Variants in CLVS2 observed in about 807,000 individuals in gnomAD.
CLVS2 encodes the protein clavesin 2.
A neutral mutation model predicts 29.0 loss-of-function variants in CLVS2; 19 were observed. The ratio of observed to expected loss-of-function variants is 0.66; its 90% confidence interval spans 0.46 to 0.96. The LOEUF is 0.96. Among genes scored for constraint, CLVS2 ranks in the 40% least tolerant of loss-of-function variants. The probability of loss-of-function intolerance (pLI) is 0.00; values close to 1 mark genes in which losing one functional copy is unlikely to be tolerated. For synonymous variants in CLVS2, 161 were observed against 151.3 expected, an observed-to-expected ratio of 1.06 and a Z score of -0.47; for missense variants, 294 against 404.1, an observed-to-expected ratio of 0.73 and a Z score of 2.34.
chr6:123,056,984 C>A (rs527772498), intron 5 of CLVS2, among the ~76,000 whole-genome samples: 102 of 152,288 alleles, frequency 6.7e-4, no homozygotes, highest in African/African-American at 2.1e-3. Context: ...TTTTATCTTT[C>A]AATCAATAGT....
At chr6:123,014,111 G>A (rs1193186574) in intron 3 of CLVS2, among the ~76,000 whole-genome samples, 5 of 151,992 alleles carry the variant, frequency 3.3e-5, no homozygotes, top group Admixed American at 6.6e-5. Context: ...GAATATTGCC[G>A]CTATAAACAT....
At chr6:123,016,671 A>G (rs1774839328) in intron 3 of CLVS2, among the ~76,000 whole-genome samples, 2 of 152,060 alleles carry the variant, frequency 1.3e-5, no homozygotes, top group Non-Finnish European at 1.5e-5. Context: ...ATTGCTACAT[A>G]AGACTCAGAT....
chr6:123,001,752 C>T lies in CLVS2; in HGVS notation c.389+3586C>T, dbSNP rs574137189. Reference sequence around the variant, plus strand: ...ATCAACAGGTGTGAGGATAATGTGCCGTAAAGCTAGCAGAGGTTAACACTG... The same window carrying T: ...ATCAACAGGTGTGAGGATAATGTGCTGTAAAGCTAGCAGAGGTTAACACTG... On this transcript the variant is annotated intron_variant, in intron 2 of 5. Coordinates refer to ENST00000275162, the MANE Select transcript of CLVS2 (RefSeq NM_001010852.4). 4.6e-5 allele frequency among the ~76,000 whole-genome samples: 7 copies of T among 152,124 alleles called. No individual in the cohort carries two copies. The South Asian group carries it at 8.3e-4, about 18-fold the overall frequency.
At position 122,996,328 on chromosome 6, in the gene CLVS2, C is replaced by G. The variant is rs1165993645; in HGVS notation, c.-978C>G. 6.6e-6 allele frequency: 1 copy of G among 152,568 alleles called. No homozygotes were observed. The highest frequency in any genetic ancestry group is 2.4e-5 in the African/African-American group (1 of 41,448). 9.5% of individuals were successfully genotyped at this position (152,568 alleles called of 1,614,324 possible). ...TCGGGAGAGCCCCAGGAGAGGCCAG[C>G]GCCGCGCAGCAGCCGCCCCGCTGCG... On this transcript the variant is annotated 5_prime_UTR_variant, in exon 1 of 6. Transcript: ENST00000275162.
rs1252874579 is a variant in CLVS2, at chr6:123,071,666, G to C, written c.*7905G>C. ...TAGTTACTTTTAATGGAAAGGGGAA[G>C]AAGAGGAAGAAAAAGGAAAGACATT... On this transcript the variant is annotated 3_prime_UTR_variant, in exon 6 of 6. Coordinates refer to ENST00000275162, the MANE Select transcript of CLVS2 (RefSeq NM_001010852.4). 1.3e-5 allele frequency: 2 copies of C among 151,948 alleles called. No individual in the cohort carries two copies. Among genetic ancestry groups the C allele is most frequent in the Non-Finnish European group, 2.9e-5 (2 of 67,890 alleles). 9.4% of individuals were successfully genotyped at this position (151,948 alleles called of 1,614,324 possible).
intron 5 of CLVS2, among the ~76,000 whole-genome samples, chr6:123,059,408 T>A (rs1772743360): frequency 6.6e-6 from 1 of 152,198 alleles, no homozygotes; most frequent in Non-Finnish European, 1.5e-5. Flanking sequence ...GTTTACCTTA[T>A]TCTCTGAATC....
chr6:123,071,591 A>G lies in CLVS2; in HGVS notation c.*7830A>G, dbSNP rs1389972404. On this transcript the variant is annotated 3_prime_UTR_variant, in exon 6 of 6. Transcript: ENST00000275162. ...ATTTTTAAAAATATGCAGGAAGTTA[A>G]AAGACTATAATTCCAGTATTGGAAG... is the stretch of plus-strand genomic sequence containing the variant. 1 of 152,026 alleles carries G rather than the reference A, an allele frequency of 6.6e-6. No homozygotes were observed. The highest frequency in any genetic ancestry group is 1.5e-5 in the Non-Finnish European group (1 of 67,932). 9.4% of individuals were successfully genotyped at this position (152,026 alleles called of 1,614,324 possible).
At chr6:123,012,017 C>G (rs1774755229) in intron 3 of CLVS2, among the ~76,000 whole-genome samples, 1 of 151,996 alleles carries the variant, frequency 6.6e-6, no homozygotes, top group Non-Finnish European at 1.5e-5. Flanking sequence ...AAATTGATAA[C>G]TGCTGACCTC....
At position 123,069,675 on chromosome 6, in the gene CLVS2, G is replaced by C. The variant is rs767591773; in HGVS notation, c.*5914G>C. 2.0e-5 allele frequency: 3 copies of C among 151,660 alleles called. No individual in the cohort carries two copies. Among genetic ancestry groups the C allele is most frequent in the African/African-American group, 4.8e-5 (2 of 41,322 alleles). 9.4% of individuals were successfully genotyped at this position (151,660 alleles called of 1,614,324 possible). A position where few individuals can be genotyped will look rare whatever the true frequency, so the allele number is the denominator to read the frequency against. ...CAGTGGGAATGAACCAGAAAACAAAGAAAAAGCCAGAGATATTGTCTCCAC... is the reference window on the plus strand; with the variant it reads ...CAGTGGGAATGAACCAGAAAACAAACAAAAAGCCAGAGATATTGTCTCCAC... On this transcript the variant is annotated 3_prime_UTR_variant, in exon 6 of 6. Coordinates refer to ENST00000275162, the MANE Select transcript of CLVS2 (RefSeq NM_001010852.4).
chr6:123,048,554 A>T lies in CLVS2; in HGVS notation c.565-68A>T, dbSNP rs1468146696. On this transcript the variant is annotated intron_variant, in intron 3 of 5. Transcript: ENST00000275162. ...GAAAGAATAAATTTGTATACCATAT[A>T]ACCTTTCCTAAACCTTCTCAGTCTA... 8 of 1,031,676 alleles carry T rather than the reference A, an allele frequency of 7.8e-6. No individual in the cohort carries two copies. The African/African-American group carries it at 1.2e-4, about 16-fold the overall frequency. 63.9% of individuals were successfully genotyped at this position (1,031,676 alleles called of 1,614,324 possible). A position where few individuals can be genotyped will look rare whatever the true frequency, so the allele number is the denominator to read the frequency against.
At chr6:123,059,124 GC>G (rs1260663813) in intron 5 of CLVS2, among the ~76,000 whole-genome samples, 3 of 151,694 alleles carry the variant, frequency 2.0e-5, no homozygotes, top group African/African-American at 7.3e-5. Context: ...TTCTCTTTTT[GC>G]CCTTGTCACC....
Position 123,055,844 on chromosome 6 carries a change from A to C in CLVS2, c.714A>C (p.Gln238His). 1 of 1,614,078 alleles carries C rather than the reference A, an allele frequency of 6.2e-7. No homozygotes were observed. Among genetic ancestry groups the C allele is most frequent in the Non-Finnish European group, 8.5e-7 (1 of 1,179,980 alleles). The part of the protein sequence containing the change: ...LHGNNLNSLH[Q>H]LIHPEILPSE... The stretch of plus-strand genomic sequence containing the variant: ...GTAACAACCTGAACAGTCTACACCA[A>C]CTAATTCATCCTGAGATCCTGCCCT... The change falls in exon 5 of 6, where the codon CAA (glutamine) becomes CAC (histidine). Residue 238 changes from glutamine (Q) to histidine (H), a missense_variant. Transcript: ENST00000275162.
chr6:123,044,921 CCATGGTCATTT>C (rs1307626715), intron 3 of CLVS2, among the ~76,000 whole-genome samples: 1 of 152,064 alleles, frequency 6.6e-6, no homozygotes, highest in African/African-American at 2.4e-5. Context: ...TTTCACTCTT[CCATGGTCATTT>C]CCACATTTGT....
rs1772942915 is a variant in CLVS2 at position 123,071,253 on chromosome 6, A to G, written c.*7492A>G. ...TGTAACGGCCAATAGTATGAATTGA[A>G]AGAGTTTCTTGTTGTCTTAATTTAA... On this transcript the variant is annotated 3_prime_UTR_variant, in exon 6 of 6. Coordinates refer to ENST00000275162, the MANE Select transcript of CLVS2 (RefSeq NM_001010852.4). The G allele has an allele frequency of 6.6e-6, 1 of 152,012 alleles. No individual in the cohort carries two copies. The highest frequency in any genetic ancestry group is 6.6e-5 in the Admixed American group (1 of 15,232). The allele number at this position is 152,012 out of a possible 1,614,324, so 9.4% of individuals were successfully genotyped here.
chr6:123,023,494 G>A (rs758810673), intron 3 of CLVS2, among the ~76,000 whole-genome samples: 3 of 151,982 alleles, frequency 2.0e-5, no homozygotes, highest in East Asian at 1.9e-4. Context: ...TTCCCATAAG[G>A]TTATTTATAA....
chr6:123,003,203 C>G (rs550496605), intron 2 of CLVS2, among the ~76,000 whole-genome samples: 2 of 152,304 alleles, frequency 1.3e-5, no homozygotes, highest in African/African-American at 4.8e-5. Flanking sequence ...TTCAGTAGGA[C>G]GTTGACTAAG....
At chr6:123,002,103 A>G (rs1404130644) in intron 2 of CLVS2, among the ~76,000 whole-genome samples, 1 of 152,240 alleles carries the variant, frequency 6.6e-6, no homozygotes, top group Non-Finnish European at 1.5e-5. Flanking sequence ...ACTTTAGTAT[A>G]GCAAACAACC....
intron 2 of CLVS2, among the ~76,000 whole-genome samples, chr6:123,000,612 T>C (rs575197439): frequency 6.6e-6 from 1 of 152,334 alleles, no homozygotes; most frequent in South Asian, 2.1e-4. Flanking sequence ...TAAGTTACTA[T>C]TATTGCTCTG....
intron 3 of CLVS2, among the ~76,000 whole-genome samples, chr6:123,024,030 G>A (rs1774962551): frequency 6.6e-6 from 1 of 152,082 alleles, no homozygotes; most frequent in Non-Finnish European, 1.5e-5. Context: ...ACAAGAAGAT[G>A]AACCCTTCAG....
Sources: gnomAD v4.1 joint callset for allele counts (sites outside exome capture counted in the v4.1 genomes callset) on GRCh38, gnomAD v4.1.1 for gene constraint, MANE v1.5 for transcripts, NCBI Gene and HGNC (gene_info 2026-07-23, HGNC 2026-07-21) for gene names.